KIAA0319L: variants seen among roughly 807,000 people sequenced by gnomAD.
The protein encoded by KIAA0319L is dyslexia-associated protein KIAA0319-like protein.
In KIAA0319L, 55 loss-of-function variants were observed where a neutral mutation model predicts 120.1. That is an observed-to-expected ratio of 0.46 (90% confidence interval 0.37 to 0.57). The LOEUF is 0.57. Ranked by LOEUF, KIAA0319L falls within the 20% of genes least tolerant of loss-of-function variation. The probability of loss-of-function intolerance (pLI) is 0.00; values close to 1 mark genes in which losing one functional copy is unlikely to be tolerated. For synonymous variants in KIAA0319L, 398 were observed against 471.9 expected (o/e 0.84, Z 2.03); for missense variants, 1,049 against 1,255.3 (o/e 0.84, Z 2.48).
chr1:35,481,468 T>G (rs915796765), intron 3 of KIAA0319L, among the ~76,000 whole-genome samples: 13 of 152,234 alleles, frequency 8.5e-5, no homozygotes, highest in African/African-American at 2.2e-4. Context: ...TTTTATTTTT[T>G]GTCATTCTAG....
intron 2 of KIAA0319L, among the ~76,000 whole-genome samples, chr1:35,541,349 CTTT>C (rs528087751): frequency 1.6e-5 from 2 of 127,506 alleles, no homozygotes; most frequent in Admixed American, 7.9e-5. Context: ...TTTTTTTTTC[CTTT>C]TTTTTTTTTT....
At chr1:35,479,966 A>C (rs111937752) in intron 3 of KIAA0319L, among the ~76,000 whole-genome samples, 5,519 of 130,924 alleles carry the variant, frequency 0.042, 468 homozygotes, top group African/African-American at 0.17. Flanking sequence ...AAAAAAAAAA[A>C]AAAAAACACA....
intron 5 of KIAA0319L, among the ~76,000 whole-genome samples, chr1:35,472,857 T>G (rs1558391328): frequency 6.6e-6 from 1 of 150,900 alleles, no homozygotes; most frequent in Non-Finnish European, 1.5e-5. Context: ...GGCATAATCT[T>G]GGCTCACTGC....
In KIAA0319L at chr1:35,436,599, A is replaced by G. The variant is rs76108479; in HGVS notation, c.2963-1518T>C. On this transcript the variant is annotated intron_variant, in intron 20 of 20. Coordinates refer to ENST00000325722, the MANE Select transcript of KIAA0319L (RefSeq NM_024874.5). Reference sequence around the variant, plus strand: ...CTCTGGCTATAGCAGTGAGGACAGGAGCCTAGGTTCAACCTAATATACTTC... The same window carrying G: ...CTCTGGCTATAGCAGTGAGGACAGGGGCCTAGGTTCAACCTAATATACTTC... Among the ~76,000 whole-genome samples, 1,167 of 152,334 alleles carry G rather than the reference A, an allele frequency of 7.7e-3. 14 individuals are homozygous for G. The highest frequency in any genetic ancestry group is 0.027 in the African/African-American group (1,120 of 41,564).
At chr1:35,482,349 T>C (rs772821098) in intron 3 of KIAA0319L, among the ~76,000 whole-genome samples, 11 of 152,156 alleles carry the variant, frequency 7.2e-5, no homozygotes, top group Non-Finnish European at 1.5e-4. Context: ...TGTTTATTCA[T>C]TCACCTATAG....
chr1:35,491,459 A>C (rs1017834623), intron 3 of KIAA0319L, among the ~76,000 whole-genome samples: 1 of 152,198 alleles, frequency 6.6e-6, no homozygotes. Context: ...GCCAGAGAAA[A>C]AAGAAACATG....
chr1:35,449,764 T>C, intron 15 of KIAA0319L, 103 bp downstream of exon 15: 4 of 1,251,226 alleles, frequency 3.2e-6, no homozygotes, highest in Non-Finnish European at 4.5e-6. Flanking sequence ...AAGCTGGACA[T>C]GCCATCTGGC....
At chr1:35,505,364 C>T (rs1454026773) in intron 3 of KIAA0319L, among the ~76,000 whole-genome samples, 1 of 152,160 alleles carries the variant, frequency 6.6e-6, no homozygotes, top group African/African-American at 2.4e-5. Context: ...TAACCCCACC[C>T]CAGTACAATC....
At chr1:35,516,401 C>G (rs1409957190) in intron 2 of KIAA0319L, among the ~76,000 whole-genome samples, 1 of 152,130 alleles carries the variant, frequency 6.6e-6, no homozygotes, top group Non-Finnish European at 1.5e-5. Flanking sequence ...TCAACATACA[C>G]AAATCAATAA....
At chr1:35,474,288 T>G (rs1489716928) in intron 5 of KIAA0319L, among the ~76,000 whole-genome samples, 2 of 152,224 alleles carry the variant, frequency 1.3e-5, no homozygotes, top group Admixed American at 6.5e-5. Context: ...TGTGTGAATC[T>G]AAGTAAATGA....
At chr1:35,525,447 C>G (rs980202994) in intron 2 of KIAA0319L, among the ~76,000 whole-genome samples, 2 of 152,152 alleles carry the variant, frequency 1.3e-5, no homozygotes, top group Non-Finnish European at 2.9e-5. Flanking sequence ...AATGGCTGTA[C>G]TACTTTACAT....
rs1379903409 is a variant in KIAA0319L at position 35,454,358 on chromosome 1, T to C, written c.1780+4A>G. Reference sequence around the variant, plus strand: ...AGAGCCTGAACCACAAGGCTGGAGCTTACCAGGTTGCACAATAACAGTCAC... The same window carrying C: ...AGAGCCTGAACCACAAGGCTGGAGCCTACCAGGTTGCACAATAACAGTCAC... On this transcript the variant is annotated splice_donor_region_variant and intron_variant, in intron 11 of 20. Coordinates refer to ENST00000325722, the MANE Select transcript of KIAA0319L (RefSeq NM_024874.5). 7 of 1,613,800 alleles carry C rather than the reference T, an allele frequency of 4.3e-6. No individual in the cohort carries two copies. The highest frequency in any genetic ancestry group is 5.1e-6 in the Non-Finnish European group (6 of 1,179,816).
intron 2 of KIAA0319L, among the ~76,000 whole-genome samples, chr1:35,516,840 A>G (rs1356704085): frequency 6.6e-6 from 1 of 152,214 alleles, no homozygotes; most frequent in Non-Finnish European, 1.5e-5. Flanking sequence ...TTCAACTGAT[A>G]AACAACTTCA....
chr1:35,486,574 C>A (rs1644394958), intron 3 of KIAA0319L, among the ~76,000 whole-genome samples: 1 of 151,458 alleles, frequency 6.6e-6, no homozygotes, highest in African/African-American at 2.4e-5. Context: ...TTTAACATTT[C>A]TTTTCTGAAA....
At chr1:35,528,212 T>C (rs1310727139) in intron 2 of KIAA0319L, among the ~76,000 whole-genome samples, 1 of 152,204 alleles carries the variant, frequency 6.6e-6, no homozygotes, top group Non-Finnish European at 1.5e-5. Flanking sequence ...CTCAGCCTCC[T>C]GAGTAGTTAG....
chr1:35,451,158 A>G (rs1642031447), intron 13 of KIAA0319L, among the ~76,000 whole-genome samples: 1 of 152,180 alleles, frequency 6.6e-6, no homozygotes. Context: ...TGTAAACTAG[A>G]GCAAGGCCTC....
intron 2 of KIAA0319L, among the ~76,000 whole-genome samples, chr1:35,513,288 ATTTTTTTTTT>A (rs67198806): frequency 1.2e-5 from 1 of 85,338 alleles, no homozygotes; most frequent in Non-Finnish European, 2.3e-5. Context: ...ATATATATAT[ATTTTTTTTTT>A]TTTTTTTTTC....
intron 2 of KIAA0319L, among the ~76,000 whole-genome samples, chr1:35,553,065 T>A (rs145625541): frequency 1.3e-5 from 2 of 151,280 alleles, no homozygotes; most frequent in African/African-American, 2.4e-5. Flanking sequence ...CCAGCCTAGA[T>A]GATGGAGTGA....
chr1:35,455,711 G>C (rs1233672980), intron 10 of KIAA0319L, among the ~76,000 whole-genome samples: 1 of 150,918 alleles, frequency 6.6e-6, no homozygotes. Flanking sequence ...CTCCCAAGTA[G>C]CTGGGATTAC....
Sources: gnomAD v4.1 joint callset for allele counts (sites outside exome capture counted in the v4.1 genomes callset) on GRCh38, gnomAD v4.1.1 for gene constraint, MANE v1.5 for transcripts, NCBI Gene and HGNC (gene_info 2026-07-23, HGNC 2026-07-21) for gene names.